Variants in PLCXD3 observed in about 807,000 individuals in gnomAD.
PLCXD3 encodes the protein PI-PLC X domain-containing protein 3.
PLCXD3 carries 19 observed loss-of-function variants against 25.5 expected under a neutral mutation model. The ratio of observed to expected loss-of-function variants is 0.75; its 90% CI spans 0.52 to 1.09. The LOEUF (loss-of-function observed/expected upper bound fraction) is 1.09. Among genes scored for constraint, PLCXD3 ranks in the 50% least tolerant of loss-of-function variants. The pLI is 0.00. For synonymous variants in PLCXD3, 174 were observed against 137.6 expected (o/e 1.26, Z -1.85); for missense variants, 411 against 388.1 (o/e 1.06, Z -0.50).
chr5:41,425,713 A>G (rs1372091264), intron 1 of PLCXD3, among the ~76,000 whole-genome samples: 2 of 152,152 alleles, frequency 1.3e-5, no homozygotes, highest in Non-Finnish European at 2.9e-5. Context: ...AGAATGTCAC[A>G]TAGTTGGAAT....
At chr5:41,452,860 CTTGT>C (rs1747667423) in intron 1 of PLCXD3, among the ~76,000 whole-genome samples, 3 of 151,878 alleles carry the variant, frequency 2.0e-5, no homozygotes. Context: ...ATCTTTCTTT[CTTGT>C]TTTTCTTCGT....
At chr5:41,373,787 G>A (rs1745196915) in intron 2 of PLCXD3, among the ~76,000 whole-genome samples, 1 of 152,096 alleles carries the variant, frequency 6.6e-6, no homozygotes, top group South Asian at 2.1e-4. Flanking sequence ...GGGAGACACT[G>A]AGTCTAGAAA....
At chr5:41,507,908 TCTGA>T (rs936528771) in intron 1 of PLCXD3, among the ~76,000 whole-genome samples, 25 of 152,354 alleles carry the variant, frequency 1.6e-4, no homozygotes, top group African/African-American at 5.8e-4. Flanking sequence ...ATTAGTCTTC[TCTGA>T]CTATCAAAGT....
rs149877177 is a variant in PLCXD3, at chr5:41,480,871, C to T, written c.103+29553G>A. 8.0e-4 allele frequency among the ~76,000 whole-genome samples: 121 copies of T among 152,174 alleles called. 1 individual carries two copies. The East Asian group carries it at 0.016, about 20-fold the overall frequency. Reference sequence around the variant, plus strand: ...GTTGAAGTGAGCTGAGATCACACCACTGCACTCCAGCCTGCATGACAGAGC... The same window carrying T: ...GTTGAAGTGAGCTGAGATCACACCATTGCACTCCAGCCTGCATGACAGAGC... On this transcript the variant is annotated intron_variant, in intron 1 of 2. Transcript: ENST00000377801.
At chr5:41,457,195 G>T (rs995370754) in intron 1 of PLCXD3, among the ~76,000 whole-genome samples, 1 of 151,876 alleles carries the variant, frequency 6.6e-6, no homozygotes, top group South Asian at 2.1e-4. Flanking sequence ...CATCCATGTC[G>T]CCTGGTGTCC....
rs76738735 is a variant in PLCXD3, at chr5:41,497,367, G to C, written c.103+13057C>G. Among the ~76,000 whole-genome samples, 222 of 151,914 alleles carry C rather than the reference G, an allele frequency of 1.5e-3. 1 individual carries two copies. The highest frequency in any genetic ancestry group is 5.1e-3 in the African/African-American group (211 of 41,532). ...TTCCAGGCAAATGGTAACCAAAAGA[G>C]AATGGAATGGCCATATTTATATCAG... On this transcript the variant is annotated intron_variant, in intron 1 of 2. Coordinates refer to ENST00000377801, the MANE Select transcript of PLCXD3 (RefSeq NM_001005473.3).
rs1169948873 is a variant in PLCXD3 at position 41,310,284 on chromosome 5, G to A, written c.*3333C>T. On this transcript the variant is annotated 3_prime_UTR_variant, in exon 3 of 3. Coordinates refer to ENST00000377801, the MANE Select transcript of PLCXD3 (RefSeq NM_001005473.3). ...TATTAGTCCTTGAAAATTACAGACA[G>A]GAAATCAAACTTAAAAATGATCTCT... 1.3e-5 allele frequency: 2 copies of A among 152,030 alleles called. No individual in the cohort carries two copies. The highest frequency in any genetic ancestry group is 6.6e-5 in the Admixed American group (1 of 15,248). The allele number at this position is 152,030 out of a possible 1,614,324, so 9.4% of individuals were successfully genotyped here.
intron 1 of PLCXD3, among the ~76,000 whole-genome samples, chr5:41,446,814 G>A (rs1259019635): frequency 1.3e-5 from 2 of 152,074 alleles, no homozygotes; most frequent in Non-Finnish European, 2.9e-5. Context: ...GATGCTTTGG[G>A]GAGACATATC....
At chr5:41,494,122 A>C (rs1748784095) in intron 1 of PLCXD3, among the ~76,000 whole-genome samples, 1 of 152,204 alleles carries the variant, frequency 6.6e-6, no homozygotes, top group Non-Finnish European at 1.5e-5. Flanking sequence ...TTGTTAAGAC[A>C]GGGTCTTGCT....
chr5:41,407,658 A>G (rs185845278), intron 1 of PLCXD3, among the ~76,000 whole-genome samples: 1 of 152,362 alleles, frequency 6.6e-6, no homozygotes, highest in Admixed American at 6.5e-5. Flanking sequence ...GACTTCTAGA[A>G]TTGAACAGAT....
intron 2 of PLCXD3, among the ~76,000 whole-genome samples, chr5:41,352,696 T>C (rs1744498056): frequency 1.3e-5 from 2 of 152,176 alleles, no homozygotes; most frequent in African/African-American, 4.8e-5. Flanking sequence ...ATAAAACAAA[T>C]ACACATCTGA....
chr5:41,367,589 T>C (rs557887957), intron 2 of PLCXD3, among the ~76,000 whole-genome samples: 31 of 152,286 alleles, frequency 2.0e-4, no homozygotes, highest in Non-Finnish European at 2.8e-4. Context: ...ATTCTAGAGG[T>C]TGCCTGTTTA....
intron 2 of PLCXD3, among the ~76,000 whole-genome samples, chr5:41,362,345 A>G (rs949374559): frequency 6.6e-6 from 1 of 152,170 alleles, no homozygotes; most frequent in African/African-American, 2.4e-5. Context: ...TTGAAATCAG[A>G]CTGACACATG....
chr5:41,508,639 C>T (rs1738939019), intron 1 of PLCXD3, among the ~76,000 whole-genome samples: 1 of 152,158 alleles, frequency 6.6e-6, no homozygotes. Flanking sequence ...CATACCATCT[C>T]AGAACTAGAT....
intron 1 of PLCXD3, among the ~76,000 whole-genome samples, chr5:41,475,454 C>T (rs755718846): frequency 6.6e-6 from 1 of 152,034 alleles, no homozygotes; most frequent in African/African-American, 2.4e-5. Context: ...CCTATCTGTC[C>T]GTATGGTCCC....
chr5:41,392,975 T>C (rs1282127732), intron 1 of PLCXD3, among the ~76,000 whole-genome samples: 1 of 152,070 alleles, frequency 6.6e-6, no homozygotes, highest in Non-Finnish European at 1.5e-5. Context: ...GCAGAATAAA[T>C]AACTAGTGAG....
At chr5:41,364,086 G>A (rs768871982) in intron 2 of PLCXD3, among the ~76,000 whole-genome samples, 2 of 152,074 alleles carry the variant, frequency 1.3e-5, no homozygotes, top group Non-Finnish European at 2.9e-5. Flanking sequence ...TCCAGGGGTG[G>A]GCATGGGGGG....
At chr5:41,437,402 G>A (rs547647274) in intron 1 of PLCXD3, among the ~76,000 whole-genome samples, 87 of 152,196 alleles carry the variant, frequency 5.7e-4, no homozygotes, top group Admixed American at 9.2e-4. Context: ...GAACTATTAA[G>A]TATTTACAAA....
At chr5:41,410,139 AT>A (rs1746473818) in intron 1 of PLCXD3, among the ~76,000 whole-genome samples, 1 of 97,088 alleles carries the variant, frequency 1.0e-5, no homozygotes, top group African/African-American at 3.8e-5. Context: ...CCTTTTATTT[AT>A]CTTTTTTTTT....
Sources: allele counts gnomAD v4.1 joint callset (sites outside exome capture counted in the v4.1 genomes callset), GRCh38; gene constraint gnomAD v4.1.1; transcripts MANE v1.5; gene names NCBI Gene and HGNC (gene_info 2026-07-23, HGNC 2026-07-21).